Variants in CLIP2 observed in about 807,000 individuals in gnomAD.
CLIP2 encodes CAP-Gly domain containing linker protein 2.
CLIP2 carries 41 observed loss-of-function variants against 111.7 expected under a neutral mutation model. The observed-to-expected ratio is 0.37, with a 90% confidence interval of 0.29 to 0.48. The LOEUF (loss-of-function observed/expected upper bound fraction) is 0.48. Ranked by LOEUF, CLIP2 falls within the 20% of genes least tolerant of loss-of-function variation. The pLI is 0.99. For missense variants in CLIP2, 1,160 were observed against 1,422.1 expected, an observed-to-expected ratio of 0.82 and a Z score of 2.96; for synonymous variants, 660 against 644.2, an observed-to-expected ratio of 1.02 and a Z score of -0.37.
At chr7:74,359,216 G>A (rs559708962) in intron 6 of CLIP2, among the ~76,000 whole-genome samples, 2 of 151,156 alleles carry the variant, frequency 1.3e-5, no homozygotes, top group African/African-American at 2.4e-5. Context: ...TGATCAGCCC[G>A]CCTCGGCCTC....
chr7:74,368,559 A>T (rs1299113452), intron 8 of CLIP2, among the ~76,000 whole-genome samples: 4 of 151,438 alleles, frequency 2.6e-5, no homozygotes, highest in Non-Finnish European at 4.4e-5. Flanking sequence ...AATAAAATAA[A>T]TAAAAAATAA....
intron 13 of CLIP2, among the ~76,000 whole-genome samples, chr7:74,389,757 G>A (rs1405780271): frequency 6.6e-6 from 1 of 151,706 alleles, no homozygotes; most frequent in African/African-American, 2.4e-5. Context: ...AAATTAGCTG[G>A]GTGTAGTGGT....
intron 4 of CLIP2, among the ~76,000 whole-genome samples, chr7:74,355,876 A>G (rs1302706845): frequency 1.3e-5 from 2 of 152,122 alleles, no homozygotes; most frequent in African/African-American, 4.8e-5. Flanking sequence ...GCTGATGGGA[A>G]TCCTTCATTC....
In CLIP2 at chr7:74,369,920, G is replaced by A. The variant is rs1175248103; in HGVS notation, c.1381-3012G>A. ...CATGCCTGTAATCCCAGCACTTTGG[G>A]AGGCCAAGGTGGGCGGATCACGAGG... On this transcript the variant is annotated intron_variant, in intron 8 of 16. Coordinates refer to ENST00000223398, the MANE Select transcript of CLIP2 (RefSeq NM_003388.5). Among the ~76,000 whole-genome samples the A allele has an allele frequency of 8.8e-5, 7 of 79,362 alleles. 1 individual carries two copies. The highest frequency in any genetic ancestry group is 2.5e-4 in the African/African-American group (7 of 27,622). 52.1% of individuals were successfully genotyped at this position (79,362 alleles called of 152,430 possible).
At chr7:74,332,987 G>A (rs192633889) in intron 2 of CLIP2, among the ~76,000 whole-genome samples, 18 of 152,318 alleles carry the variant, frequency 1.2e-4, no homozygotes, top group African/African-American at 3.6e-4. Context: ...CCTCGCAGGC[G>A]GAGGGGAGAA....
intron 2 of CLIP2, among the ~76,000 whole-genome samples, chr7:74,329,292 G>A (rs1003818344): frequency 1.3e-5 from 2 of 151,454 alleles, no homozygotes; most frequent in South Asian, 2.1e-4. Context: ...TGATCCTCCC[G>A]CCTCGGCCTC....
intron 1 of CLIP2, among the ~76,000 whole-genome samples, chr7:74,293,260 G>A (rs1018455522): frequency 1.2e-4 from 18 of 152,196 alleles, no homozygotes; most frequent in African/African-American, 3.6e-4. Flanking sequence ...AATTGGAGGC[G>A]ACCTGGCCCC....
intron 11 of CLIP2, among the ~76,000 whole-genome samples, chr7:74,382,471 ATTTTTTT>A (rs35499422): frequency 7.7e-6 from 1 of 129,184 alleles, no homozygotes; most frequent in Non-Finnish European, 1.7e-5. Flanking sequence ...TGCCCTGCTA[ATTTTTTT>A]TTTTTTTTTT....
At chr7:74,372,082 C>T (rs1790641575) in intron 8 of CLIP2, among the ~76,000 whole-genome samples, 1 of 152,150 alleles carries the variant, frequency 6.6e-6, no homozygotes, top group Non-Finnish European at 1.5e-5. Flanking sequence ...CCAAACTGCT[C>T]CCAATGTCCT....
In CLIP2 at chr7:74,400,472, G is replaced by A. The variant is rs782535552; in HGVS notation, c.2983G>A (p.Asp995Asn). The change falls in exon 15 of 17, where the codon GAC becomes AAC. Residue 995 changes from aspartate (D) to asparagine (N), a missense_variant. By Grantham distance (23) the Asp-to-Asn change is conservative. Around this residue, in one of 5 missense-constraint regions of CLIP2, gnomAD observed 676 missense variants for 777.8 expected, o/e 0.87. Transcript: ENST00000223398. ...GCAGCACCAGCTGATGAGCACGGAG[G>A]ACGCCCTGCGGGATGCGCTGGACCA... ...RLQHQLMSTE[D>N]ALRDALDQAQ... is the part of the protein sequence containing the mutation. 6.8e-6 allele frequency: 11 copies of A among 1,613,956 alleles called. No homozygotes were observed. In the Admixed American group the frequency reaches 8.3e-5, roughly 12 times the overall value.
chr7:74,373,088 G>C lies in CLIP2; in HGVS notation c.1485+52G>C, dbSNP rs373887488. ...CCCGCCAGCCACCTTGCCCTTTGATGCCCCCTCTGGCTTCTCTGTTTCATT... is the reference window on the plus strand; with the variant it reads ...CCCGCCAGCCACCTTGCCCTTTGATCCCCCCTCTGGCTTCTCTGTTTCATT... On this transcript the variant is annotated intron_variant, in intron 9 of 16. Coordinates refer to ENST00000223398, the MANE Select transcript of CLIP2 (RefSeq NM_003388.5). The C allele has an allele frequency of 8.5e-6, 9 of 1,054,216 alleles. No individual in the cohort carries two copies. In the East Asian group the frequency reaches 1.0e-4, roughly 12 times the overall value. 65.3% of individuals were successfully genotyped at this position (1,054,216 alleles called of 1,614,324 possible). A position where few individuals can be genotyped will look rare whatever the true frequency, so the allele number is the denominator to read the frequency against.
chr7:74,311,625 C>A (rs1788642648), intron 1 of CLIP2, among the ~76,000 whole-genome samples: 1 of 152,224 alleles, frequency 6.6e-6, no homozygotes, highest in Non-Finnish European at 1.5e-5. Context: ...GAATACCAGC[C>A]CTGGCTGGGC....
At chr7:74,396,778 T>C (rs1791460199) in intron 13 of CLIP2, among the ~76,000 whole-genome samples, 2 of 152,088 alleles carry the variant, frequency 1.3e-5, no homozygotes, top group African/African-American at 2.4e-5. Context: ...ACCTCGGCCT[T>C]CTGAAGTGCT....
chr7:74,379,768 A>G (rs1405543180), intron 10 of CLIP2, among the ~76,000 whole-genome samples: 1 of 151,698 alleles, frequency 6.6e-6, no homozygotes, highest in Non-Finnish European at 1.5e-5. Context: ...TCCATCTCAA[A>G]AAATAATAAT....
chr7:74,295,767 G>A (rs996817933), intron 1 of CLIP2, among the ~76,000 whole-genome samples: 3 of 152,164 alleles, frequency 2.0e-5, no homozygotes, highest in African/African-American at 7.2e-5. Context: ...CACTTTGGGA[G>A]GGCAAGGAGG....
intron 2 of CLIP2, among the ~76,000 whole-genome samples, chr7:74,319,325 A>C (rs1292072621): frequency 6.6e-6 from 1 of 152,114 alleles, no homozygotes; most frequent in Admixed American, 6.6e-5. Flanking sequence ...CAGCCTGGCC[A>C]ACATGGTGAA....
At chr7:74,347,503 C>T (rs1554306572) in intron 3 of CLIP2, among the ~76,000 whole-genome samples, 1 of 152,032 alleles carries the variant, frequency 6.6e-6, no homozygotes, top group African/African-American at 2.4e-5. Context: ...CTCCTGACCT[C>T]GTGATCTGCC....
intron 13 of CLIP2, among the ~76,000 whole-genome samples, chr7:74,392,352 A>T (rs1791315563): frequency 2.7e-5 from 1 of 36,946 alleles, no homozygotes; most frequent in East Asian, 9.9e-4. Context: ...CTCCATCTCA[A>T]AAAAAAAAAA....
chr7:74,405,279 G>A lies in CLIP2; in HGVS notation c.*1431G>A, dbSNP rs1791740450. On this transcript the variant is annotated 3_prime_UTR_variant, in exon 17 of 17. Transcript: ENST00000223398. ...CCCCGGCATCAGCACAGGGGTCCCTGCCCCACCCTCCGGCAGCTCAGGGAG... is the reference window on the plus strand; with the variant it reads ...CCCCGGCATCAGCACAGGGGTCCCTACCCCACCCTCCGGCAGCTCAGGGAG... The A allele has an allele frequency of 6.6e-6, 1 of 152,214 alleles. No homozygotes were observed. The highest frequency in any genetic ancestry group is 2.4e-5 in the African/African-American group (1 of 41,448). 9.4% of individuals were successfully genotyped at this position (152,214 alleles called of 1,614,324 possible).
Sources: gnomAD v4.1 joint callset for allele counts (sites outside exome capture counted in the v4.1 genomes callset) on GRCh38, gnomAD v4.1.1 for gene constraint, gnomAD v4.1.1 regional missense constraint, MANE v1.5 for transcripts, NCBI Gene and HGNC (gene_info 2026-07-23, HGNC 2026-07-21) for gene names.